ABCB1: variants seen among roughly 807,000 people sequenced by gnomAD.
ABCB1 encodes the protein ATP-dependent translocase ABCB1.
Under a neutral mutation model 142.0 loss-of-function variants are expected in ABCB1, and 69 were observed. The ratio of observed to expected loss-of-function variants is 0.49; its 90% CI spans 0.40 to 0.59. The LOEUF (loss-of-function observed/expected upper bound fraction) is 0.59. ABCB1 is among the 20% of genes least tolerant of loss of function. The pLI is 0.00. For synonymous variants in ABCB1, 532 were observed against 539.2 expected (o/e 0.99, Z 0.18); for missense variants, 1,326 against 1,554.7 (o/e 0.85, Z 2.47).
At chr7:87,613,593 A>G (rs1397633646) in intron 1 of ABCB1, among the ~76,000 whole-genome samples, 1 of 152,168 alleles carries the variant, frequency 6.6e-6, no homozygotes, top group Non-Finnish European at 1.5e-5. Flanking sequence ...AAGTGAATTA[A>G]CACAGAAACA....
chr7:87,516,731 C>CTTTT lies in ABCB1; in HGVS notation c.2928-70_2928-67dup, dbSNP rs546527484. 7,488 of 803,316 alleles carry CTTTT rather than the reference C, an allele frequency of 9.3e-3. 151 individuals are homozygous for CTTTT. The highest frequency in any genetic ancestry group is 0.073 in the East Asian group (1,461 of 20,010). 49.8% of individuals were successfully genotyped at this position (803,316 alleles called of 1,614,324 possible). The stretch of plus-strand genomic sequence containing the variant: ...TCACAATGCTAGAAAGCTGACACTC[C>CTTTT]TTTTTTTTTTTTTTTTTTTTTTTGA... On this transcript the variant is annotated intron_variant, in intron 23 of 27. Coordinates refer to ENST00000622132, the MANE Select transcript of ABCB1 (RefSeq NM_001348946.2).
chr7:87,659,610 G>A (rs1045699071), intron 1 of ABCB1, among the ~76,000 whole-genome samples: 7 of 152,098 alleles, frequency 4.6e-5, no homozygotes, highest in Admixed American at 3.3e-4. Flanking sequence ...AAGAGGAGAA[G>A]GATAAAGCAA....
intron 9 of ABCB1, among the ~76,000 whole-genome samples, chr7:87,552,166 C>A (rs1817101456): frequency 6.6e-6 from 1 of 152,038 alleles, no homozygotes; most frequent in South Asian, 2.1e-4. Flanking sequence ...CTCTTTAGGC[C>A]TTTTGTTTTT....
intron 8 of ABCB1, among the ~76,000 whole-genome samples, chr7:87,554,549 T>C (rs1480038264): frequency 6.6e-6 from 1 of 152,220 alleles, no homozygotes; most frequent in Non-Finnish European, 1.5e-5. Context: ...AGACATTTAT[T>C]TTAAAAATCA....
intron 1 of ABCB1, among the ~76,000 whole-genome samples, chr7:87,680,195 A>G (rs1826787115): frequency 6.6e-6 from 1 of 150,386 alleles, no homozygotes; most frequent in Admixed American, 6.6e-5. Flanking sequence ...GTCCCTGCAA[A>G]GGACATGACC....
intron 1 of ABCB1, among the ~76,000 whole-genome samples, chr7:87,608,425 A>T (rs186610490): frequency 6.6e-6 from 1 of 152,206 alleles, no homozygotes; most frequent in Non-Finnish European, 1.5e-5. Flanking sequence ...AATAAGCCAA[A>T]TTTTCTCCTG....
At chr7:87,511,005 A>G (rs1206569347) in intron 25 of ABCB1, among the ~76,000 whole-genome samples, 1 of 152,098 alleles carries the variant, frequency 6.6e-6, no homozygotes, top group East Asian at 1.9e-4. Flanking sequence ...CCAGGTTTAT[A>G]CCCCTGGGAG....
At chr7:87,688,647 T>C (rs907730658) in intron 1 of ABCB1, among the ~76,000 whole-genome samples, 7 of 152,018 alleles carry the variant, frequency 4.6e-5, no homozygotes, top group African/African-American at 7.2e-5. Flanking sequence ...TATTTTGTAC[T>C]TATTTTTCAT....
At chr7:87,666,490 T>G (rs2130487531) in intron 1 of ABCB1, among the ~76,000 whole-genome samples, 1 of 152,332 alleles carries the variant, frequency 6.6e-6, no homozygotes, top group Middle Eastern at 3.4e-3. Flanking sequence ...GCTCTTAAGT[T>G]TAATTAGATC....
In ABCB1 at chr7:87,679,389, G is replaced by A. The variant is rs545263154; in HGVS notation, c.-331+33772C>T. On this transcript the variant is annotated intron_variant, in intron 1 of 28. Transcript: ENST00000265724. ...ATTACAAGTGTGAGCCACCGTGCCC[G>A]GCCCCCAACTTTTTTTTAAGACAGG... 1.0e-3 allele frequency among the ~76,000 whole-genome samples: 152 copies of A among 149,406 alleles called. 10 individuals are homozygous for A. The highest frequency in any genetic ancestry group is 3.1e-3 in the African/African-American group (125 of 40,120).
intron 1 of ABCB1, chr7:87,710,728 T>G (rs1445306029): frequency 2.6e-6 from 2 of 774,360 alleles, no homozygotes; most frequent in Non-Finnish European, 4.1e-6. Flanking sequence ...CAGAATAGGA[T>G]GAAGAATCAA....
At chr7:87,587,406 T>C (rs1444035279) in intron 3 of ABCB1, among the ~76,000 whole-genome samples, 3 of 152,196 alleles carry the variant, frequency 2.0e-5, no homozygotes, top group Non-Finnish European at 4.4e-5. Flanking sequence ...ATGCCAAAGA[T>C]ATAACCCTGC....
chr7:87,541,501 A>T, intron 17 of ABCB1, 37 bp from the exon 18 acceptor site: 1 of 1,411,498 alleles, frequency 7.1e-7, no homozygotes, highest in Non-Finnish European at 1.0e-6. Context: ...TAGTTCAATC[A>T]GTGAAGAACC....
At chr7:87,664,618 T>C (rs1825047824) in intron 1 of ABCB1, among the ~76,000 whole-genome samples, 1 of 152,084 alleles carries the variant, frequency 6.6e-6, no homozygotes, top group African/African-American at 2.4e-5. Flanking sequence ...AAATAAAACA[T>C]TAACCAGATG....
At chr7:87,617,195 A>T (rs1042018787) in intron 1 of ABCB1, among the ~76,000 whole-genome samples, 1 of 152,212 alleles carries the variant, frequency 6.6e-6, no homozygotes, top group Non-Finnish European at 1.5e-5. Context: ...ATTTCACTTA[A>T]GGGAAGAGAG....
At chr7:87,541,140 T>C (rs1485142249) in intron 18 of ABCB1, among the ~76,000 whole-genome samples, 1 of 152,054 alleles carries the variant, frequency 6.6e-6, no homozygotes, top group East Asian at 1.9e-4. Context: ...TTCCCCCTGG[T>C]TTCATTGCGG....
chr7:87,676,580 T>G (rs1306836154), intron 1 of ABCB1, among the ~76,000 whole-genome samples: 1 of 151,810 alleles, frequency 6.6e-6, no homozygotes, highest in Non-Finnish European at 1.5e-5. Context: ...GGTGTATGCC[T>G]GTAGTCCCAG....
At chr7:87,626,364 ATATGTGTCATATG>A (rs1820536285) in intron 1 of ABCB1, among the ~76,000 whole-genome samples, 1 of 30,062 alleles carries the variant, frequency 3.3e-5, no homozygotes, top group Non-Finnish European at 4.9e-5. Context: ...TGTGTCATAT[ATATGTGTCATATG>A]TATGTGTCAT....
chr7:87,606,841 G>A (rs1050529304), intron 1 of ABCB1, among the ~76,000 whole-genome samples: 12 of 151,970 alleles, frequency 7.9e-5, no homozygotes, highest in Admixed American at 1.3e-4. Flanking sequence ...TTTTATAAAA[G>A]TTTGGAGATG....
Sources: allele counts gnomAD v4.1 joint callset (sites outside exome capture counted in the v4.1 genomes callset), GRCh38; gene constraint gnomAD v4.1.1; transcripts MANE v1.5; gene names NCBI Gene and HGNC (gene_info 2026-07-23, HGNC 2026-07-21).